Variants in ZNF706 observed in about 807,000 individuals in gnomAD.
ZNF706 encodes transcriptional regulator ZNF706.
A neutral mutation model predicts 9.2 loss-of-function variants in ZNF706; 4 were observed. The ratio of observed to expected loss-of-function variants is 0.43; its 90% CI spans 0.21 to 0.99. The LOEUF is 0.99. Among genes scored for constraint, ZNF706 ranks in the 50% least tolerant of loss-of-function variants. The probability of loss-of-function intolerance (pLI) is 0.26; values close to 1 mark genes in which losing one functional copy is unlikely to be tolerated. For missense variants in ZNF706, 27 were observed against 87.8 expected (o/e 0.31, Z 2.77); for synonymous variants, 28 against 27.3 (o/e 1.03, Z -0.08).
chr8:101,201,878 A>T lies in ZNF706; in HGVS notation c.-2-135T>A. ...GCAAATAAAAATTTATAGGTATTAA[A>T]ATTCCCACATATAAATGCTACAAAA... On this transcript the variant is annotated intron_variant, in intron 1 of 3. Coordinates refer to ENST00000311212, the MANE Select transcript of ZNF706 (RefSeq NM_016096.5). The surrounding 1 kb of genome is among the most constrained non-coding windows in gnomAD (Gnocchi z 4.5). The T allele has an allele frequency of 1.1e-6, 1 of 912,034 alleles. No homozygotes were observed. Among genetic ancestry groups the T allele is most frequent in the South Asian group, 1.8e-5 (1 of 55,136 alleles). The allele number at this position is 912,034 out of a possible 1,614,324, so 56.5% of individuals were successfully genotyped here. A position where few individuals can be genotyped will look rare whatever the true frequency, so the allele number is the denominator to read the frequency against.
At chr8:101,206,093 C>G (rs1344755948), upstream of ZNF706, 1 of 152,242 alleles carries the variant, frequency 6.6e-6, no homozygotes, top group African/African-American at 2.4e-5. Flanking sequence ...CCGCCCTCCT[C>G]GGCACCGACT....
At chr8:101,202,895 TCTA>T (rs1810614817) in intron 1 of ZNF706, 2 of 152,246 alleles carry the variant, frequency 1.3e-5, no homozygotes, top group Non-Finnish European at 2.9e-5. Flanking sequence ...TGTTACTCCT[TCTA>T]AAGGAGACCT....
At chr8:101,206,164 C>A (rs1810766380), upstream of ZNF706, 1 of 152,244 alleles carries the variant, frequency 6.6e-6, no homozygotes, top group South Asian at 2.1e-4. Flanking sequence ...TCCCGGAGCC[C>A]CGCCACCCAG....
At chr8:101,202,695 T>C (rs1810605987) in intron 1 of ZNF706, 2 of 152,222 alleles carry the variant, frequency 1.3e-5, no homozygotes, top group African/African-American at 4.8e-5. Flanking sequence ...TGTGTTTACT[T>C]ATAAAAATTC....
chr8:101,199,045 C>A lies in ZNF706; in HGVS notation c.*207G>T. 1 of 444,150 alleles carries A rather than the reference C, an allele frequency of 2.3e-6. No individual in the cohort carries two copies. Among genetic ancestry groups the A allele is most frequent in the Non-Finnish European group, 4.0e-6 (1 of 250,332 alleles). 27.5% of individuals were successfully genotyped at this position (444,150 alleles called of 1,614,324 possible). ...TTTATAACAAGGATGGACTGATTTT[C>A]ATATTTCCAAATCAGAGTCAACTGT... On this transcript the variant is annotated 3_prime_UTR_variant, in exon 4 of 4. Coordinates refer to ENST00000311212, the MANE Select transcript of ZNF706 (RefSeq NM_016096.5).
chr8:101,204,075 G>A (rs947671448), intron 1 of ZNF706: 4 of 152,096 alleles, frequency 2.6e-5, no homozygotes, highest in African/African-American at 9.7e-5. Flanking sequence ...TGTATTTTAT[G>A]TATCTTAATA....
chr8:101,204,973 C>T (rs1586270342), intron 1 of ZNF706: 4 of 983,864 alleles, frequency 4.1e-6, no homozygotes, highest in African/African-American at 3.5e-5. Flanking sequence ...CAACACTTCT[C>T]CGACCCCAGC....
At chr8:101,199,313 TAAG>T (rs1810473812) in intron 3 of ZNF706, 74 bp from the exon 4 acceptor site, 1 of 695,054 alleles carries the variant, frequency 1.4e-6, no homozygotes, top group Admixed American at 2.0e-5. Flanking sequence ...TTCAAATAAC[TAAG>T]AAGAAACACT....
chr8:101,204,898 T>A, intron 1 of ZNF706: 1 of 985,674 alleles, frequency 1.0e-6, no homozygotes. Context: ...ATCCTGACCC[T>A]AGCTTTTAAC....
In ZNF706 at chr8:101,201,734, C is replaced by A; in HGVS notation, c.8G>T (p.Arg3Leu). Residue 3 changes from arginine to leucine, a missense_variant, in exon 2 of 4, where the codon CGT becomes CTT. Arg to Leu is a moderately radical substitution (Grantham distance 102, BLOSUM62 -2). Coordinates refer to ENST00000311212, the MANE Select transcript of ZNF706 (RefSeq NM_016096.5). This position sits in a 1 kb window ranked among gnomAD's most constrained non-coding sequence, Gnocchi z 4.5. ...CTGAGACTGAATTTTCTGCTGTCCA[C>A]GAGCCATATCTAAAAACAGAAGGTG... is the stretch of plus-strand genomic sequence containing the variant. MA[R>L]GQQKIQSQQK... The A allele has an allele frequency of 6.4e-7, 1 of 1,569,110 alleles. No homozygotes were observed. Among genetic ancestry groups the A allele is most frequent in the Non-Finnish European group, 8.6e-7 (1 of 1,162,768 alleles).
At position 101,201,917 on chromosome 8, in the gene ZNF706, C is replaced by T. The variant is rs1241507209; in HGVS notation, c.-2-174G>A. ...AATGCTACAAAAGTATCAATTGACA[C>T]AACCCTGTGGAAAACTAGTTGGTAG... On this transcript the variant is annotated intron_variant, in intron 1 of 3. Transcript: ENST00000311212. The surrounding 1 kb of genome is among the most constrained non-coding windows in gnomAD (Gnocchi z 4.5). Among the ~76,000 whole-genome samples, 1 of 152,082 alleles carries T rather than the reference C, an allele frequency of 6.6e-6. No individual in the cohort carries two copies. The highest frequency in any genetic ancestry group is 2.4e-5 in the African/African-American group (1 of 41,418).
At chr8:101,202,028 AT>A (rs1282060201) in intron 1 of ZNF706, among the ~76,000 whole-genome samples, 3 of 152,194 alleles carry the variant, frequency 2.0e-5, no homozygotes, top group Non-Finnish European at 4.4e-5. Flanking sequence ...CATGTACAAA[AT>A]GTTCTGAGTG....
chr8:101,204,751 G>A (rs1241450674), intron 1 of ZNF706: 6 of 985,414 alleles, frequency 6.1e-6, no homozygotes, highest in Non-Finnish European at 7.2e-6. Flanking sequence ...TCTCGTAGGA[G>A]GCAACAAGTA....
chr8:101,204,990 C>A, intron 1 of ZNF706: 2 of 978,012 alleles, frequency 2.0e-6, no homozygotes, highest in Middle Eastern at 5.2e-4. Flanking sequence ...CAGCTTCAGC[C>A]TGGCGCACCT....
At position 101,198,000 on chromosome 8, in the gene ZNF706, T is replaced by A. The variant is rs976068709; in HGVS notation, c.*1252A>T. On this transcript the variant is annotated 3_prime_UTR_variant, in exon 4 of 4. Coordinates refer to ENST00000311212, the MANE Select transcript of ZNF706 (RefSeq NM_016096.5). The stretch of plus-strand genomic sequence containing the variant: ...TAGTGTTCTTTCTATTATATTAATT[T>A]AAAAATTTAAACCGAGTTAACAGCA... The A allele has an allele frequency of 1.3e-5, 2 of 152,182 alleles. No individual in the cohort carries two copies. Among genetic ancestry groups the A allele is most frequent in the Non-Finnish European group, 2.9e-5 (2 of 68,004 alleles). The allele number at this position is 152,182 out of a possible 1,614,324, so 9.4% of individuals were successfully genotyped here. A position where few individuals can be genotyped will look rare whatever the true frequency, so the allele number is the denominator to read the frequency against.
intron 1 of ZNF706, chr8:101,203,406 A>G (rs1040398316): frequency 1.3e-5 from 2 of 152,176 alleles, no homozygotes; most frequent in Non-Finnish European, 2.9e-5. Context: ...ATTTGTATCA[A>G]CTTCACCAGG....
intron 1 of ZNF706, chr8:101,204,962 C>T: frequency 1.0e-6 from 1 of 985,120 alleles, no homozygotes; most frequent in Non-Finnish European, 1.2e-6. Flanking sequence ...AGGTCTCCAC[C>T]CAACACTTCT....
At chr8:101,206,072 C>G (rs1230590402), upstream of ZNF706, 1 of 152,208 alleles carries the variant, frequency 6.6e-6, no homozygotes, top group Non-Finnish European at 1.5e-5. Context: ...GCTGACGCGC[C>G]CGTCTCGGCG....
At chr8:101,200,960 A>T in intron 2 of ZNF706, 1 of 253,302 alleles carries the variant, frequency 3.9e-6, no homozygotes, top group Non-Finnish European at 8.2e-6. Context: ...ACCAGCTGGG[A>T]GACCCCACAC....
Sources: allele counts gnomAD v4.1 joint callset (sites outside exome capture counted in the v4.1 genomes callset), GRCh38; gene constraint gnomAD v4.1.1; non-coding constraint Gnocchi (gnomAD v3.1); transcripts MANE v1.5; gene names NCBI Gene and HGNC (gene_info 2026-07-23, HGNC 2026-07-21).